COL19A1: variants seen among roughly 807,000 people sequenced by gnomAD.
COL19A1 encodes the protein collagen alpha-1(XIX) chain.
In COL19A1, 159 loss-of-function variants were observed where a neutral mutation model predicts 190.2. The observed-to-expected ratio is 0.84, with a 90% confidence interval of 0.73 to 0.95. The LOEUF is 0.95. Among genes scored for constraint, COL19A1 ranks in the 40% least tolerant of loss-of-function variants. COL19A1 has a pLI of 0.00. For synonymous variants in COL19A1, 509 were observed against 458.9 expected (o/e 1.11, Z -1.39); for missense variants, 1,418 against 1,431.9 (o/e 0.99, Z 0.16).
chr6:70,085,184 T>C (rs1305515836), intron 15 of COL19A1, among the ~76,000 whole-genome samples: 1 of 152,238 alleles, frequency 6.6e-6, no homozygotes, highest in Non-Finnish European at 1.5e-5. Flanking sequence ...TTAGTGTTTC[T>C]TTTGGAATCC....
At chr6:70,193,832 T>A (rs1767026462) in intron 48 of COL19A1, among the ~76,000 whole-genome samples, 1 of 152,194 alleles carries the variant, frequency 6.6e-6, no homozygotes, top group South Asian at 2.1e-4. Context: ...ATTTTCCACT[T>A]AGAAATCACT....
chr6:69,971,254 C>G (rs890503020), intron 11 of COL19A1, among the ~76,000 whole-genome samples: 3 of 151,964 alleles, frequency 2.0e-5, no homozygotes, highest in Non-Finnish European at 1.5e-5. Context: ...TATATAAATA[C>G]GTAATATTTT....
At chr6:70,190,086 T>C (rs1274350373) in intron 47 of COL19A1, among the ~76,000 whole-genome samples, 1 of 152,212 alleles carries the variant, frequency 6.6e-6, no homozygotes, top group African/African-American at 2.4e-5. Flanking sequence ...ATACCACTGG[T>C]TATGATCCCA....
intron 12 of COL19A1, among the ~76,000 whole-genome samples, chr6:70,025,799 A>T (rs1582714086): frequency 6.6e-6 from 1 of 152,364 alleles, no homozygotes; most frequent in East Asian, 1.9e-4. Flanking sequence ...ACAGAGTAAA[A>T]TATAAGTAAT....
chr6:70,102,099 T>C (rs1783666585), intron 15 of COL19A1, 70 bp from the exon 16 acceptor site: 1 of 1,194,720 alleles, frequency 8.4e-7, no homozygotes, highest in Non-Finnish European at 1.3e-6. Flanking sequence ...AATATTCCCA[T>C]TTAATATTGT....
intron 11 of COL19A1, among the ~76,000 whole-genome samples, chr6:69,977,317 A>C (rs996060356): frequency 2.0e-5 from 3 of 151,114 alleles, no homozygotes; most frequent in Non-Finnish European, 3.0e-5. Flanking sequence ...TCAAGGACAA[A>C]AAGCCAAACA....
At chr6:69,962,520 TCAAAA>T (rs1405174194) in intron 10 of COL19A1, among the ~76,000 whole-genome samples, 2 of 152,152 alleles carry the variant, frequency 1.3e-5, no homozygotes, top group Non-Finnish European at 2.9e-5. Context: ...AATCAAACTC[TCAAAA>T]CAAACCATTG....
chr6:70,168,290 T>G, intron 39 of COL19A1, 75 bp downstream of exon 39: 1 of 1,486,644 alleles, frequency 6.7e-7, no homozygotes, highest in Admixed American at 1.9e-5. Flanking sequence ...AAAAACCTCT[T>G]AAGTTCACTG....
At chr6:70,100,510 A>G (rs1211738324) in intron 15 of COL19A1, among the ~76,000 whole-genome samples, 1 of 150,394 alleles carries the variant, frequency 6.6e-6, no homozygotes, top group Non-Finnish European at 1.5e-5. Flanking sequence ...CACTACTATT[A>G]ATAATTATAT....
At chr6:69,941,312 T>C (rs908404025) in intron 9 of COL19A1, among the ~76,000 whole-genome samples, 2 of 152,184 alleles carry the variant, frequency 1.3e-5, no homozygotes, top group Non-Finnish European at 2.9e-5. Context: ...ATACAATATA[T>C]ACACAGCACT....
chr6:70,108,389 A>G (rs894924240), intron 16 of COL19A1, among the ~76,000 whole-genome samples: 2 of 152,150 alleles, frequency 1.3e-5, no homozygotes, highest in African/African-American at 2.4e-5. Context: ...GTGCATAGCA[A>G]TTTCAGTTGA....
intron 14 of COL19A1, among the ~76,000 whole-genome samples, chr6:70,062,653 C>G (rs10455228): frequency 0.61 from 92,497 of 151,648 alleles, 29,401 homozygotes; most frequent in African/African-American, 0.76. Flanking sequence ...ATGTAAATGG[C>G]CTAAATGCTC....
At chr6:69,962,321 C>A (rs1298203891) in intron 10 of COL19A1, among the ~76,000 whole-genome samples, 2 of 152,188 alleles carry the variant, frequency 1.3e-5, no homozygotes, top group Non-Finnish European at 2.9e-5. Context: ...AGAAGCATAG[C>A]ACTGGTGTCG....
intron 9 of COL19A1, among the ~76,000 whole-genome samples, chr6:69,943,515 T>C (rs2150027292): frequency 6.6e-6 from 1 of 152,266 alleles, no homozygotes; most frequent in South Asian, 2.1e-4. Flanking sequence ...CCATACATTT[T>C]CCCCCAGAAG....
At chr6:69,927,083 ACATCTGCC>A (rs1298975738) in intron 4 of COL19A1, among the ~76,000 whole-genome samples, 1 of 152,186 alleles carries the variant, frequency 6.6e-6, no homozygotes, top group African/African-American at 2.4e-5. Flanking sequence ...TGAGACTAGC[ACATCTGCC>A]CTATAAGAAA....
At chr6:70,161,993 C>T in intron 35 of COL19A1, 40 bp downstream of exon 35, 1 of 1,552,088 alleles carries the variant, frequency 6.4e-7, no homozygotes, top group Non-Finnish European at 8.7e-7. Flanking sequence ...CAGCTTATAT[C>T]TGCTGGTTTG....
At chr6:70,125,107 AT>A (rs1785117156) in intron 17 of COL19A1, among the ~76,000 whole-genome samples, 1 of 127,686 alleles carries the variant, frequency 7.8e-6, no homozygotes, top group African/African-American at 2.9e-5. Context: ...TGAGATTGCA[AT>A]TTGTAGTGTG....
At chr6:70,122,851 G>A (rs532378950) in intron 17 of COL19A1, among the ~76,000 whole-genome samples, 2 of 152,032 alleles carry the variant, frequency 1.3e-5, no homozygotes, top group East Asian at 3.9e-4. Context: ...TTCAGAACAA[G>A]GTCAACATAA....
rs183860969 is a variant in COL19A1 at position 70,184,882 on chromosome 6, T to C, written c.2823T>C (p.Gly941=). 1 of 1,613,336 alleles carries C rather than the reference T, an allele frequency of 6.2e-7. No homozygotes were observed. The highest frequency in any genetic ancestry group is 1.3e-5 in the African/African-American group (1 of 74,982). ...CATCTGTTTTTCAGGGCATCATGGG[T>C]AAGCCTGGAGACAGAGGCCCCAAAG... The part of the protein sequence containing the change: ...DGIPGAQGIM[G]KPGDRGPKGE... The change falls in exon 46 of 51, where the codon GGT becomes GGC. Residue 941 remains glycine, a synonymous_variant. Transcript: ENST00000620364.
Sources: gnomAD v4.1 joint callset for allele counts (sites outside exome capture counted in the v4.1 genomes callset) on GRCh38, gnomAD v4.1.1 for gene constraint, MANE v1.5 for transcripts, NCBI Gene and HGNC (gene_info 2026-07-23, HGNC 2026-07-21) for gene names.